Variants in AP2A1 observed in about 807,000 individuals in gnomAD.
AP2A1 encodes the protein adaptor related protein complex 2 subunit alpha 1, also known as AP-2 complex subunit alpha-1.
In AP2A1, 21 loss-of-function variants were observed where a neutral mutation model predicts 107.3. That is an observed-to-expected ratio of 0.20 (90% confidence interval 0.14 to 0.28). The LOEUF is 0.28. Ranked by LOEUF, AP2A1 falls within the 10% of genes least tolerant of loss-of-function variation. The probability of loss-of-function intolerance (pLI) is 1.00; values close to 1 mark genes in which losing one functional copy is unlikely to be tolerated. For synonymous variants in AP2A1, 602 were observed against 564.8 expected, an observed-to-expected ratio of 1.07 and a Z score of -0.93; for missense variants, 873 against 1,307.7, an observed-to-expected ratio of 0.67 and a Z score of 5.13.
chr19:49,784,429 C>T (rs1391807516), intron 4 of AP2A1, among the ~76,000 whole-genome samples: 1 of 136,900 alleles, frequency 7.3e-6, no homozygotes, highest in Admixed American at 7.6e-5. Context: ...AAGACTCTGT[C>T]TCAAAAAAAA....
In AP2A1 at chr19:49,801,974, C is replaced by T; in HGVS notation, c.1954-7C>T. 6.7e-7 allele frequency: 1 copy of T among 1,492,268 alleles called. No individual in the cohort carries two copies. Among genetic ancestry groups the T allele is most frequent in the Non-Finnish European group, 8.9e-7 (1 of 1,125,686 alleles). 92.4% of individuals were successfully genotyped at this position (1,492,268 alleles called of 1,614,324 possible). On this transcript the variant is annotated splice_region_variant and splice_polypyrimidine_tract_variant and intron_variant, in intron 14 of 22. Transcript: ENST00000354293. ...CCTGTCCTCACCGTGACCTGCGCTTCCTACAGTCGACGCCCTCGCCCTCCG... is the reference window on the plus strand; with the variant it reads ...CCTGTCCTCACCGTGACCTGCGCTTTCTACAGTCGACGCCCTCGCCCTCCG...
chr19:49,783,446 G>A (rs1027092349), intron 4 of AP2A1, among the ~76,000 whole-genome samples: 2 of 152,176 alleles, frequency 1.3e-5, no homozygotes, highest in Admixed American at 6.5e-5. Flanking sequence ...AGTTGTGGTT[G>A]CGCCAGTGTA....
In AP2A1 at chr19:49,805,679, G is replaced by A; in HGVS notation, c.2487G>A (p.Gln829=). The A allele has an allele frequency of 6.4e-7, 1 of 1,564,292 alleles. No homozygotes were observed. Among genetic ancestry groups the A allele is most frequent in the African/African-American group, 1.4e-5 (1 of 73,490 alleles). Residue 829 remains glutamine (Q), a synonymous_variant, in exon 20 of 23, where the codon CAG becomes CAA. Transcript: ENST00000354293. ...SVRFRYGGAP[Q]ALTLKLPVTI... ...TCATCAGGTACGGTGGCGCCCCCCA[G>A]GCCCTCACCCTGAAGCTCCCAGTGA... is the stretch of plus-strand genomic sequence containing the variant.
At chr19:49,782,262 G>A (rs2084686126) in intron 3 of AP2A1, among the ~76,000 whole-genome samples, 173 bp downstream of exon 3, 1 of 149,038 alleles carries the variant, frequency 6.7e-6, no homozygotes, top group South Asian at 2.2e-4. Context: ...GGAGGAGGGG[G>A]CTGGGGGTCT....
chr19:49,806,288 G>A (rs1333306511), intron 22 of AP2A1, 35 bp downstream of exon 22: 1 of 1,563,616 alleles, frequency 6.4e-7, no homozygotes, highest in Non-Finnish European at 8.7e-7. Flanking sequence ...AGGCCGGCAG[G>A]AAGGCCGCCT....
At chr19:49,768,764 C>G (rs1486309538) in intron 1 of AP2A1, among the ~76,000 whole-genome samples, 1 of 152,076 alleles carries the variant, frequency 6.6e-6, no homozygotes, top group Non-Finnish European at 1.5e-5. Context: ...CCTCTGTTAC[C>G]CACCAGGGAT....
intron 1 of AP2A1, 120 bp from the exon 2 acceptor site, chr19:49,781,637 C>T (rs889335007): frequency 2.8e-6 from 3 of 1,066,884 alleles, no homozygotes; most frequent in Admixed American, 4.5e-5. Flanking sequence ...TCCTGAGCCC[C>T]AGGGCTTGGG....
Position 49,806,940 on chromosome 19 carries a change from G to T in AP2A1, c.*182G>T, listed in dbSNP as rs1189748563. 6.5e-7 allele frequency: 1 copy of T among 1,533,790 alleles called. No homozygotes were observed. Among genetic ancestry groups the T allele is most frequent in the African/African-American group, 1.4e-5 (1 of 72,854 alleles). On this transcript the variant is annotated 3_prime_UTR_variant, in exon 23 of 23. Coordinates refer to ENST00000354293, the MANE Select transcript of AP2A1 (RefSeq NM_130787.3). ...GTTCATCTGCTGCTGTTTACATTCT[G>T]GGGGGTTAGGGGGAGTCCCCCTCCC...
Position 49,795,616 on chromosome 19 carries a change from C to A in AP2A1, c.706-14C>A. ...ACCCCAGCCCCCAACTTATTTCTTG[C>A]TCTTCCCCGCCAGATCGTCTCCTCT... On this transcript the variant is annotated splice_polypyrimidine_tract_variant and intron_variant, in intron 6 of 22. Coordinates refer to ENST00000354293, the MANE Select transcript of AP2A1 (RefSeq NM_130787.3). The A allele has an allele frequency of 3.7e-6, 2 of 534,928 alleles. No individual in the cohort carries two copies. Among genetic ancestry groups the A allele is most frequent in the Admixed American group, 2.7e-5 (1 of 36,564 alleles). 33.1% of individuals were successfully genotyped at this position (534,928 alleles called of 1,614,324 possible). A position where few individuals can be genotyped will look rare whatever the true frequency, so the allele number is the denominator to read the frequency against.
chr19:49,778,262 G>A (rs1337647207), intron 1 of AP2A1, among the ~76,000 whole-genome samples: 2 of 152,146 alleles, frequency 1.3e-5, no homozygotes, highest in East Asian at 3.8e-4. Context: ...GAGGCTCTGT[G>A]GCGCAGCTTG....
intron 15 of AP2A1, chr19:49,802,748 G>A (rs1237453665): frequency 9.8e-7 from 1 of 1,023,746 alleles, no homozygotes; most frequent in Non-Finnish European, 1.4e-6. Flanking sequence ...GGTGTCTGCC[G>A]ATGCGGGGGC....
rs1443967029 is a variant in AP2A1, at chr19:49,791,843, C to T, written c.474-92C>T. 3.4e-6 allele frequency: 5 copies of T among 1,484,776 alleles called. No homozygotes were observed. The South Asian group carries it at 3.7e-5, about 11-fold the overall frequency. 92.0% of individuals were successfully genotyped at this position (1,484,776 alleles called of 1,614,324 possible). On this transcript the variant is annotated intron_variant, in intron 4 of 22. Transcript: ENST00000354293. ...GTCTGTCCCTCTCGCTGGCCTCGCA[C>T]ACCCTTCCTGGGAGGAACAGGAGAG...
At chr19:49,768,964 T>C (rs1388377156) in intron 1 of AP2A1, among the ~76,000 whole-genome samples, 3 of 152,140 alleles carry the variant, frequency 2.0e-5, no homozygotes, top group Admixed American at 6.6e-5. Context: ...GAAATTCCTG[T>C]TCTTGCTGGT....
chr19:49,778,875 T>C (rs891337615), intron 1 of AP2A1, among the ~76,000 whole-genome samples: 4 of 145,772 alleles, frequency 2.7e-5, no homozygotes, highest in Non-Finnish European at 4.5e-5. Context: ...GGTATGCATA[T>C]GTATATATAC....
At chr19:49,781,231 G>A (rs2084671135) in intron 1 of AP2A1, among the ~76,000 whole-genome samples, 1 of 152,006 alleles carries the variant, frequency 6.6e-6, no homozygotes, top group South Asian at 2.1e-4. Flanking sequence ...AGGCCACGCG[G>A]GAGAGGACAA....
intron 15 of AP2A1, chr19:49,802,417 T>C (rs1412369348): frequency 9.3e-7 from 1 of 1,071,458 alleles, no homozygotes; most frequent in Admixed American, 2.0e-5. Flanking sequence ...TCTCCTTCTC[T>C]CCTTCCCTCT....
chr19:49,768,233 C>T (rs529528173), intron 1 of AP2A1, among the ~76,000 whole-genome samples: 2 of 152,106 alleles, frequency 1.3e-5, no homozygotes, highest in Admixed American at 6.5e-5. Flanking sequence ...GTTGTCGTGA[C>T]GATGGGAATC....
At chr19:49,781,344 G>T (rs148591909) in intron 1 of AP2A1, among the ~76,000 whole-genome samples, 1 of 152,234 alleles carries the variant, frequency 6.6e-6, no homozygotes, top group African/African-American at 2.4e-5. Context: ...ACTGGAAGAG[G>T]CAGTGAGCTC....
In AP2A1 at chr19:49,791,992, G is replaced by A; in HGVS notation, c.531G>A (p.Lys177=). 6.2e-7 allele frequency: 1 copy of A among 1,612,836 alleles called. No individual in the cohort carries two copies. The highest frequency in any genetic ancestry group is 8.5e-7 in the Non-Finnish European group (1 of 1,179,506). The change falls in exon 5 of 23, where the codon AAG becomes AAA. Residue 177 remains lysine (K), a synonymous_variant. Transcript: ENST00000354293. ...CCCTGTGCCTCCTTCGACTGTACAA[G>A]GCCTCGCCTGACCTGGTGCCCATGG... is the stretch of plus-strand genomic sequence containing the variant. The part of the protein sequence containing the change: ...SAALCLLRLY[K]ASPDLVPMGE...
Sources: allele counts gnomAD v4.1 joint callset (sites outside exome capture counted in the v4.1 genomes callset), GRCh38; gene constraint gnomAD v4.1.1; transcripts MANE v1.5; gene names NCBI Gene and HGNC (gene_info 2026-07-23, HGNC 2026-07-21).